ZNF280D: variants seen among roughly 807,000 people sequenced by gnomAD.
The protein encoded by ZNF280D is zinc finger protein 280D.
ZNF280D carries 39 observed loss-of-function variants against 94.7 expected under a neutral mutation model. The ratio of observed to expected loss-of-function variants is 0.41; its 90% CI spans 0.32 to 0.54. ZNF280D has a LOEUF of 0.54. Ranked by LOEUF, ZNF280D falls within the 20% of genes least tolerant of loss-of-function variation. The probability of loss-of-function intolerance (pLI) is 0.22; values close to 1 mark genes in which losing one functional copy is unlikely to be tolerated. For synonymous variants in ZNF280D, 398 were observed against 377.6 expected, an observed-to-expected ratio of 1.05 and a Z score of -0.63; for missense variants, 1,090 against 1,149.3, an observed-to-expected ratio of 0.95 and a Z score of 0.75.
chr15:56,682,568 G>T (rs1185887086), intron 9 of ZNF280D, 91 bp from the exon 10 acceptor site: 6 of 787,422 alleles, frequency 7.6e-6, no homozygotes, highest in Admixed American at 7.2e-5. Flanking sequence ...TACACCTAAG[G>T]CCAGACCATT....
In ZNF280D at chr15:56,645,583, G is replaced by C. The variant is rs1307290722; in HGVS notation, c.2214-2586C>G. On this transcript the variant is annotated intron_variant, in intron 19 of 21. Coordinates refer to ENST00000267807, the MANE Select transcript of ZNF280D (RefSeq NM_017661.4). Reference sequence around the variant, plus strand: ...TTTTTGCAGACGGAGTTTCGTTCTTGTTGCCCAGGCTGGAGTGCAATGGCA... The same window carrying C: ...TTTTTGCAGACGGAGTTTCGTTCTTCTTGCCCAGGCTGGAGTGCAATGGCA... Among the ~76,000 whole-genome samples, 3 of 152,076 alleles carry C rather than the reference G, an allele frequency of 2.0e-5. No individual in the cohort carries two copies. The East Asian group carries it at 5.8e-4, about 29-fold the overall frequency.
intron 1 of ZNF280D, among the ~76,000 whole-genome samples, chr15:56,724,545 C>G (rs1567045258): frequency 6.6e-6 from 1 of 152,150 alleles, no homozygotes. Flanking sequence ...TGAGGGAAAA[C>G]CAAGGCATCG....
chr15:56,727,501 T>C lies in ZNF280D; in HGVS notation c.-86+5957A>G, dbSNP rs2058683523. On this transcript the variant is annotated intron_variant, in intron 1 of 21. Coordinates refer to ENST00000267807, the MANE Select transcript of ZNF280D (RefSeq NM_017661.4). ...AAAAAGATAGAAATTAATGCCCTGC[T>C]ACTACTAGGCAAATAAGGGGAGGGC... Among the ~76,000 whole-genome samples the C allele has an allele frequency of 2.6e-5, 4 of 152,152 alleles. No homozygotes were observed. In the South Asian group the frequency reaches 8.3e-4, roughly 31 times the overall value.
At chr15:56,730,359 A>G (rs1309162030) in intron 1 of ZNF280D, 11 of 152,214 alleles carry the variant, frequency 7.2e-5, no homozygotes, top group African/African-American at 2.7e-4. Flanking sequence ...ATCTTCCAAA[A>G]CTTGCTTTTG....
At chr15:56,679,470 C>T (rs2055472200) in intron 10 of ZNF280D, among the ~76,000 whole-genome samples, 1 of 152,188 alleles carries the variant, frequency 6.6e-6, no homozygotes, top group African/African-American at 2.4e-5. Context: ...TTCATCTTAA[C>T]TTGCAGACAG....
intron 21 of ZNF280D, among the ~76,000 whole-genome samples, chr15:56,633,741 G>A (rs571950831): frequency 1.4e-3 from 215 of 151,842 alleles, no homozygotes; most frequent in African/African-American, 4.6e-3. Flanking sequence ...CACCCACCTC[G>A]GCCTCCCAAA....
At chr15:56,701,773 A>C (rs1403655562) in intron 4 of ZNF280D, among the ~76,000 whole-genome samples, 4 of 152,086 alleles carry the variant, frequency 2.6e-5, no homozygotes, top group Admixed American at 1.3e-4. Context: ...TTTGAGTTAA[A>C]AAAGAAAAAC....
chr15:56,731,588 G>A (rs1354700929), intron 1 of ZNF280D, among the ~76,000 whole-genome samples: 3 of 150,252 alleles, frequency 2.0e-5, no homozygotes, highest in African/African-American at 7.3e-5. Context: ...CACCACGTTA[G>A]ATTTTAAGGA....
At chr15:56,669,902 A>AAT (rs1296367855) in intron 13 of ZNF280D, among the ~76,000 whole-genome samples, 4 of 2,742 alleles carry the variant, frequency 1.5e-3, no homozygotes, top group Non-Finnish European at 3.0e-3. Context: ...ATATATATAT[A>AAT]ATATATATAT....
intron 1 of ZNF280D, among the ~76,000 whole-genome samples, chr15:56,710,932 T>C (rs2057726677): frequency 6.6e-6 from 1 of 152,160 alleles, no homozygotes. Flanking sequence ...AATATCGCAC[T>C]AGAAACCAGG....
At chr15:56,654,028 G>C (rs1596361723) in intron 19 of ZNF280D, 170 bp downstream of exon 19, 1 of 1,461,250 alleles carries the variant, frequency 6.8e-7, no homozygotes, top group Non-Finnish European at 9.0e-7. Flanking sequence ...TCTTGCACCA[G>C]GTCACGAGCT....
chr15:56,659,633 C>A lies in ZNF280D; in HGVS notation c.1995-1147G>T, dbSNP rs368426120. ...TACTATCCACAGTTTCAGGCGTTCA[C>A]TGGGGGGTCTTGGAATATATACCCC... On this transcript the variant is annotated intron_variant, in intron 16 of 21. Transcript: ENST00000267807. Among the ~76,000 whole-genome samples, 91 of 152,108 alleles carry A rather than the reference C, an allele frequency of 6.0e-4. 1 individual carries two copies. The South Asian group carries it at 0.018, about 31-fold the overall frequency.
At chr15:56,715,460 G>A (rs1322938139) in intron 1 of ZNF280D, among the ~76,000 whole-genome samples, 1 of 151,920 alleles carries the variant, frequency 6.6e-6, no homozygotes, top group Non-Finnish European at 1.5e-5. Flanking sequence ...GGATAAGAAG[G>A]GTATTCCAGT....
chr15:56,649,933 A>C (rs959422127), intron 19 of ZNF280D, among the ~76,000 whole-genome samples: 3 of 152,138 alleles, frequency 2.0e-5, no homozygotes, highest in Admixed American at 2.0e-4. Flanking sequence ...TGAGAATAGC[A>C]GAATAAAGTG....
intron 1 of ZNF280D, 107 bp downstream of exon 1, chr15:56,733,351 G>T: frequency 4.7e-6 from 3 of 643,596 alleles, no homozygotes; most frequent in Non-Finnish European, 5.8e-6. Context: ...ACCCGCGCCG[G>T]CCTCAAGACC....
intron 3 of ZNF280D, among the ~76,000 whole-genome samples, chr15:56,704,809 C>T (rs1034312217): frequency 2.0e-5 from 3 of 151,966 alleles, no homozygotes; most frequent in Non-Finnish European, 4.4e-5. Flanking sequence ...GGTGAAACCC[C>T]ATCTCTATTA....
At chr15:56,668,280 G>T in intron 14 of ZNF280D, 1 of 382,200 alleles carries the variant, frequency 2.6e-6, no homozygotes, top group South Asian at 1.9e-5. Context: ...ATGTACATAA[G>T]GCAAAAAGGG....
intron 17 of ZNF280D, among the ~76,000 whole-genome samples, chr15:56,657,064 A>G (rs1379653049): frequency 1.3e-5 from 2 of 152,196 alleles, no homozygotes; most frequent in Non-Finnish European, 2.9e-5. Context: ...AAGCATCAAA[A>G]TAAGTATTCG....
intron 1 of ZNF280D, among the ~76,000 whole-genome samples, chr15:56,726,956 T>A (rs1039589343): frequency 6.6e-6 from 1 of 152,086 alleles, no homozygotes; most frequent in African/African-American, 2.4e-5. Flanking sequence ...GAAGTGAAAC[T>A]CAAACAAGTG....
Sources: allele counts gnomAD v4.1 joint callset (sites outside exome capture counted in the v4.1 genomes callset), GRCh38; gene constraint gnomAD v4.1.1; transcripts MANE v1.5; gene names NCBI Gene and HGNC (gene_info 2026-07-23, HGNC 2026-07-21).